The following KHDRBS2 variants were observed in gnomAD, a reference collection of about 807,000 sequenced individuals.
KHDRBS2 encodes KH RNA binding domain containing, signal transduction associated 2.
A neutral mutation model predicts 44.3 loss-of-function variants in KHDRBS2; 26 were observed. The observed-to-expected ratio is 0.59, with a 90% CI of 0.43 to 0.81. The LOEUF is 0.81. Among genes scored for constraint, KHDRBS2 ranks in the 40% least tolerant of loss-of-function variants. KHDRBS2 has a pLI of 0.00. For missense variants in KHDRBS2, 476 were observed against 433.1 expected (o/e 1.10, Z -0.88); for synonymous variants, 194 against 151.1 (o/e 1.28, Z -2.08).
intron 6 of KHDRBS2, among the ~76,000 whole-genome samples, chr6:61,792,256 T>G (rs1238915621): frequency 1.3e-5 from 2 of 151,496 alleles, no homozygotes; most frequent in African/African-American, 4.8e-5. Flanking sequence ...ATGCTGCTGG[T>G]TTTTATATTA....
In KHDRBS2 at chr6:61,954,774, A is replaced by G. The variant is rs796749373; in HGVS notation, c.483+23292T>C. On this transcript the variant is annotated intron_variant, in intron 4 of 8. Transcript: ENST00000281156. The stretch of plus-strand genomic sequence containing the variant: ...CACATGCATATGTATGTATACATAC[A>G]TATGTGTATATACACATGCATATGT... Among the ~76,000 whole-genome samples the G allele has an allele frequency of 3.4e-3, 375 of 111,076 alleles. 63 individuals are homozygous for G. The highest frequency in any genetic ancestry group is 5.1e-3 in the Non-Finnish European group (258 of 50,680). The allele number at this position is 111,076 out of a possible 152,430, so 72.9% of individuals were successfully genotyped here. A position where few individuals can be genotyped will look rare whatever the true frequency, so the allele number is the denominator to read the frequency against.
At chr6:61,905,081 T>G (rs1804716016) in intron 4 of KHDRBS2, among the ~76,000 whole-genome samples, 1 of 152,224 alleles carries the variant, frequency 6.6e-6, no homozygotes, top group African/African-American at 2.4e-5. Context: ...AACTGATTAC[T>G]GACGACCAAA....
At chr6:62,144,600 C>T (rs1198142884) in intron 2 of KHDRBS2, among the ~76,000 whole-genome samples, 2 of 151,920 alleles carry the variant, frequency 1.3e-5, no homozygotes, top group Non-Finnish European at 2.9e-5. Flanking sequence ...ATCTCATTTT[C>T]ATCTTACCAA....
chr6:61,815,099 T>A (rs1324446592), intron 6 of KHDRBS2, among the ~76,000 whole-genome samples: 1 of 152,110 alleles, frequency 6.6e-6, no homozygotes, highest in Non-Finnish European at 1.5e-5. Flanking sequence ...CACTCATTTT[T>A]TTTTTTCAAA....
chr6:61,906,742 G>A (rs1440801330), intron 4 of KHDRBS2, among the ~76,000 whole-genome samples: 1 of 151,972 alleles, frequency 6.6e-6, no homozygotes, highest in East Asian at 1.9e-4. Flanking sequence ...TTCTTTTTAT[G>A]GCAGAATAAT....
At chr6:61,945,765 C>T (rs1388903428) in intron 4 of KHDRBS2, among the ~76,000 whole-genome samples, 1 of 150,774 alleles carries the variant, frequency 6.6e-6, no homozygotes, top group Non-Finnish European at 1.5e-5. Context: ...AAGCAAAAAC[C>T]CATGAAAAAA....
intron 1 of KHDRBS2, among the ~76,000 whole-genome samples, chr6:62,204,920 T>C (rs940013941): frequency 3.3e-5 from 5 of 152,150 alleles, no homozygotes; most frequent in Non-Finnish European, 5.9e-5. Flanking sequence ...GCCCATGTTA[T>C]TCAAGGGTCA....
chr6:62,179,679 A>T (rs1821863198), intron 1 of KHDRBS2, among the ~76,000 whole-genome samples: 1 of 151,770 alleles, frequency 6.6e-6, no homozygotes, highest in Non-Finnish European at 1.5e-5. Context: ...CATAAAAATA[A>T]ATTGAATTTG....
the KHDRBS2 span, among the ~76,000 whole-genome samples, chr6:61,673,118 G>T: frequency 1.3e-4 from 20 of 151,792 alleles, no homozygotes; most frequent in Non-Finnish European, 1.5e-5. Flanking sequence ...TTCCCCCATT[G>T]CTTGTTTTTC....
intron 4 of KHDRBS2, among the ~76,000 whole-genome samples, chr6:61,919,070 C>A (rs539108532): frequency 3.3e-5 from 5 of 151,878 alleles, no homozygotes; most frequent in South Asian, 2.1e-4. Flanking sequence ...AACTATATGG[C>A]GAGCTTCTAG....
intron 4 of KHDRBS2, among the ~76,000 whole-genome samples, chr6:61,954,881 T>TAC (rs1206516626): frequency 1.4e-5 from 2 of 144,562 alleles, no homozygotes; most frequent in African/African-American, 5.0e-5. Context: ...TATGTGTATA[T>TAC]ATGTATATAT....
At chr6:61,716,628 G>A (rs1258586609) in intron 7 of KHDRBS2, among the ~76,000 whole-genome samples, 1 of 151,832 alleles carries the variant, frequency 6.6e-6, no homozygotes, top group Non-Finnish European at 1.5e-5. Flanking sequence ...CTTTAGATAG[G>A]GCACATACAT....
chr6:61,758,310 CG>C (rs1778808987), intron 6 of KHDRBS2, among the ~76,000 whole-genome samples: 1 of 151,924 alleles, frequency 6.6e-6, no homozygotes. Context: ...TAGGTCAAAA[CG>C]TAAGTCTAGT....
chr6:61,575,477 G>A, the KHDRBS2 span, among the ~76,000 whole-genome samples: 1 of 152,088 alleles, frequency 6.6e-6, no homozygotes, highest in Non-Finnish European at 1.5e-5. Flanking sequence ...CACGTAAATG[G>A]TAAAAAGCAA....
At chr6:61,789,275 A>T (rs1784271474) in intron 6 of KHDRBS2, among the ~76,000 whole-genome samples, 1 of 151,514 alleles carries the variant, frequency 6.6e-6, no homozygotes, top group Non-Finnish European at 1.5e-5. Context: ...TTGAAAAAGC[A>T]AAACTTGAGT....
intron 6 of KHDRBS2, among the ~76,000 whole-genome samples, chr6:61,889,781 C>T (rs765442523): frequency 1.3e-5 from 2 of 152,166 alleles, no homozygotes; most frequent in Non-Finnish European, 1.5e-5. Flanking sequence ...CTGTCCACTG[C>T]CCCAATGTTA....
At chr6:61,815,259 G>A (rs1454642090) in intron 6 of KHDRBS2, among the ~76,000 whole-genome samples, 1 of 151,940 alleles carries the variant, frequency 6.6e-6, no homozygotes, top group African/African-American at 2.4e-5. Flanking sequence ...TGTCCCAGGA[G>A]GAACAGAGTG....
chr6:61,777,445 T>A (rs1423578286), intron 6 of KHDRBS2, among the ~76,000 whole-genome samples: 1 of 152,162 alleles, frequency 6.6e-6, no homozygotes, highest in African/African-American at 2.4e-5. Context: ...CTAGAGGAGG[T>A]TATCAACACA....
intron 7 of KHDRBS2, among the ~76,000 whole-genome samples, chr6:61,709,059 A>C (rs1770057261): frequency 6.6e-6 from 1 of 151,694 alleles, no homozygotes; most frequent in African/African-American, 2.4e-5. Context: ...AGTATCAATG[A>C]GATAACCTGT....
Sources: allele counts gnomAD v4.1 joint callset (sites outside exome capture counted in the v4.1 genomes callset), GRCh38; gene constraint gnomAD v4.1.1; transcripts MANE v1.5; gene names NCBI Gene and HGNC (gene_info 2026-07-23, HGNC 2026-07-21).